SMPD4: variants seen among roughly 807,000 people sequenced by gnomAD.
SMPD4 encodes the protein neutral sphingomyelinase 3.
A neutral mutation model predicts 97.8 loss-of-function variants in SMPD4; 58 were observed. The ratio of observed to expected loss-of-function variants is 0.59; its 90% CI spans 0.48 to 0.74. The LOEUF (loss-of-function observed/expected upper bound fraction) is 0.74, where lower values mean the gene tolerates loss of function less well. Ranked by LOEUF, SMPD4 falls within the 30% of genes least tolerant of loss-of-function variation. The pLI, the probability that SMPD4 is intolerant of heterozygous loss-of-function variation, is 0.00. For synonymous variants in SMPD4, 388 were observed against 450.0 expected (o/e 0.86, Z 1.74); for missense variants, 853 against 1,080.5 (o/e 0.79, Z 2.95).
intron 10 of SMPD4, among the ~76,000 whole-genome samples, chr2:130,163,805 T>G (rs2599754): frequency 6.6e-6 from 1 of 152,210 alleles, no homozygotes; most frequent in Non-Finnish European, 1.5e-5. Flanking sequence ...GAAAGCAGCG[T>G]GCTGCCCAGA....
At chr2:130,179,005 C>T (rs1163703101) in intron 1 of SMPD4, among the ~76,000 whole-genome samples, 2 of 152,012 alleles carry the variant, frequency 1.3e-5, no homozygotes, top group African/African-American at 4.8e-5. Context: ...TGACACCTGG[C>T]AGTCTGTGGA....
chr2:130,162,046 TC>T (rs1687474925), intron 10 of SMPD4, among the ~76,000 whole-genome samples: 1 of 152,300 alleles, frequency 6.6e-6, no homozygotes, highest in East Asian at 1.9e-4. Flanking sequence ...ACCCTCATAG[TC>T]TGGACGTCAG....
intron 5 of SMPD4, 70 bp downstream of exon 5, chr2:130,173,209 T>A: frequency 7.0e-7 from 1 of 1,419,532 alleles, no homozygotes; most frequent in Non-Finnish European, 9.8e-7. Context: ...TGGAGGAGAT[T>A]GCCCATCACC....
At chr2:130,180,212 C>A (rs1307457955) in intron 1 of SMPD4, among the ~76,000 whole-genome samples, 1 of 152,042 alleles carries the variant, frequency 6.6e-6, no homozygotes, top group Middle Eastern at 3.4e-3. Context: ...ATCCGCCCGC[C>A]TCAGCCTCCC....
rs1332310091 is a variant in SMPD4, at chr2:130,171,875, G to A, written c.659+474C>T. On this transcript the variant is annotated intron_variant, in intron 8 of 19. Coordinates refer to ENST00000680298, the MANE Select transcript of SMPD4 (RefSeq NM_017951.5). Reference sequence around the variant, plus strand: ...GAGGACCCAGGACAGCCAGGCATGAGAGCCCCTGGTTCACACTCCCAACCT... The same window carrying A: ...GAGGACCCAGGACAGCCAGGCATGAAAGCCCCTGGTTCACACTCCCAACCT... Among the ~76,000 whole-genome samples the A allele has an allele frequency of 2.6e-5, 4 of 152,364 alleles. No individual in the cohort carries two copies. The East Asian group carries it at 7.7e-4, about 29-fold the overall frequency.
intron 10 of SMPD4, among the ~76,000 whole-genome samples, chr2:130,162,271 C>T (rs1460425211): frequency 2.0e-5 from 3 of 152,336 alleles, no homozygotes; most frequent in East Asian, 3.9e-4. Context: ...CACGGCCTGC[C>T]GAAGCACCCC....
intron 9 of SMPD4, among the ~76,000 whole-genome samples, chr2:130,165,108 T>TAAAAAAAAA (rs35361623): frequency 1.6e-5 from 1 of 61,914 alleles, no homozygotes; most frequent in East Asian, 5.8e-4. Context: ...GACTCTGATT[T>TAAAAAAAAA]AAAAAAAAAA....
intron 8 of SMPD4, among the ~76,000 whole-genome samples, chr2:130,171,135 CTT>C (rs58972698): frequency 1.4e-5 from 2 of 144,370 alleles, no homozygotes; most frequent in African/African-American, 2.6e-5. Flanking sequence ...AATTTCTTTT[CTT>C]TTTTTTTTTT....
Position 130,153,401 on chromosome 2 carries a change from T to A in SMPD4, c.1943A>T (p.Gln648Leu). ...GAGTTGCTTTTTTCCATTCTCATCC[T>A]GGGTGGTGCCCAAGGCGAGTGTGAA... The part of the protein sequence containing the change: ...RQFTLALGTT[Q>L]DENGKKQLPD... The change falls in exon 18 of 20, where the codon CAG (glutamine) becomes CTG (leucine). Residue 648 changes from glutamine to leucine, a missense_variant. Physicochemically the swap from Gln to Leu is moderately radical, Grantham distance 113 (BLOSUM62 -2). Around this residue, in one of 3 missense-constraint regions of SMPD4, gnomAD observed 511 missense variants for 608.1 expected, o/e 0.84. Coordinates refer to ENST00000680298, the MANE Select transcript of SMPD4 (RefSeq NM_017951.5). 2 of 1,613,900 alleles carry A rather than the reference T, an allele frequency of 1.2e-6. No individual in the cohort carries two copies. Among genetic ancestry groups the A allele is most frequent in the Non-Finnish European group, 1.7e-6 (2 of 1,179,998 alleles).
chr2:130,159,059 G>T (rs1192321660), intron 11 of SMPD4, among the ~76,000 whole-genome samples: 1 of 151,984 alleles, frequency 6.6e-6, no homozygotes, highest in Non-Finnish European at 1.5e-5. Context: ...TAGTGTCGTG[G>T]TCTCGGCTCA....
At chr2:130,161,344 G>C (rs539715732) in intron 10 of SMPD4, 72 bp from the exon 11 acceptor site, 19 of 1,294,902 alleles carry the variant, frequency 1.5e-5, no homozygotes, top group Non-Finnish European at 2.1e-5. Context: ...TGGGGAAGGG[G>C]AGAGATAGGA....
intron 12 of SMPD4, 26 bp downstream of exon 12, chr2:130,157,225 G>A (rs1276785610): frequency 4.5e-6 from 7 of 1,548,264 alleles, no homozygotes; most frequent in Non-Finnish European, 6.1e-6. Flanking sequence ...AGACGGCAGT[G>A]GTGGGAAGCC....
rs1464940838 is a variant in SMPD4 at position 130,167,525 on chromosome 2, G to A, written c.725C>T (p.Ser242Phe). The change falls in exon 9 of 20, where the codon TCT (serine) becomes TTT (phenylalanine). Residue 242 changes from serine (S) to phenylalanine (F), a missense_variant. Transcript: ENST00000680298. ...HHTSLLKRHI[S>F]HQTSVNADPA... ...GTCTGCATTCACAGACGTCTGATGA[G>A]AGATGTGTCGCTTTAGGAGGCTAGT... is the stretch of plus-strand genomic sequence containing the variant. 3 of 1,613,910 alleles carry A rather than the reference G, an allele frequency of 1.9e-6. No individual in the cohort carries two copies. The South Asian group carries it at 3.3e-5, about 18-fold the overall frequency.
intron 8 of SMPD4, 57 bp from the exon 9 acceptor site, chr2:130,167,647 G>T: frequency 6.5e-7 from 1 of 1,530,292 alleles, no homozygotes; most frequent in Non-Finnish European, 8.8e-7. Flanking sequence ...ACTCGCTCCC[G>T]CTGTAACAGG....
upstream of SMPD4, chr2:130,181,608 G>C (rs760780966): frequency 1.3e-6 from 2 of 1,596,386 alleles, no homozygotes; most frequent in Non-Finnish European, 8.5e-7. Flanking sequence ...TCATCAAGCT[G>C]CGCGCAGAGC....
At chr2:130,158,939 G>A (rs1687118491) in intron 11 of SMPD4, among the ~76,000 whole-genome samples, 1 of 152,198 alleles carries the variant, frequency 6.6e-6, no homozygotes, top group African/African-American at 2.4e-5. Context: ...TGTCCCCACA[G>A]GTCCAAGTGA....
At position 130,169,813 on chromosome 2, in the gene SMPD4, A is replaced by G. The variant is rs148462060; in HGVS notation, c.660-2223T>C. On this transcript the variant is annotated intron_variant, in intron 8 of 19. Transcript: ENST00000680298. ...GTGATCCTCCCGCCTTGGCCTCCCA[A>G]AGTGTTGGGATTACAGGCGTGAGCC... Among the ~76,000 whole-genome samples the G allele has an allele frequency of 7.0e-3, 1,073 of 152,236 alleles. 12 individuals are homozygous for G. The highest frequency in any genetic ancestry group is 0.01 in the Non-Finnish European group (683 of 68,010).
upstream of SMPD4, chr2:130,181,646 G>A: frequency 6.4e-7 from 1 of 1,555,502 alleles, no homozygotes; most frequent in Non-Finnish European, 8.7e-7. Flanking sequence ...CGGGAAAAGC[G>A]CTTCCACCTC....
chr2:130,156,829 T>C (rs1326923935), intron 12 of SMPD4, 154 bp from the exon 13 acceptor site: 16 of 1,543,620 alleles, frequency 1.0e-5, no homozygotes, highest in Non-Finnish European at 1.4e-5. Flanking sequence ...GAGGAAGAAA[T>C]CAAGGTTCAG....
Sources: allele counts gnomAD v4.1 joint callset (sites outside exome capture counted in the v4.1 genomes callset), GRCh38; gene constraint gnomAD v4.1.1; regional missense constraint gnomAD v4.1.1; transcripts MANE v1.5; gene names NCBI Gene and HGNC (gene_info 2026-07-23, HGNC 2026-07-21).